RBPJ: variants seen among roughly 807,000 people sequenced by gnomAD.
RBPJ encodes recombining binding protein suppressor of hairless.
Under a neutral mutation model 67.8 loss-of-function variants are expected in RBPJ, and 9 were observed. The ratio of observed to expected loss-of-function variants is 0.13; its 90% CI spans 0.08 to 0.23. The LOEUF is 0.23. Ranked by LOEUF, RBPJ falls within the 10% of genes least tolerant of loss-of-function variation. The pLI, the probability that RBPJ is intolerant of heterozygous loss-of-function variation, is 1.00. For synonymous variants in RBPJ, 198 were observed against 203.3 expected (o/e 0.97, Z 0.22); for missense variants, 305 against 595.6 (o/e 0.51, Z 5.08).
the RBPJ span, among the ~76,000 whole-genome samples, chr4:26,137,926 T>G: frequency 6.6e-6 from 1 of 152,204 alleles, no homozygotes; most frequent in African/African-American, 2.4e-5. Flanking sequence ...ACCCTCCTCC[T>G]GACACAGTGA....
intron 1 of RBPJ, among the ~76,000 whole-genome samples, chr4:26,346,991 CA>C (rs1171684713): frequency 4.9e-5 from 7 of 142,202 alleles, no homozygotes; most frequent in East Asian, 2.0e-4. Flanking sequence ...GACTCCATCT[CA>C]AAAAAAAAAT....
intron 1 of RBPJ, among the ~76,000 whole-genome samples, chr4:26,186,226 T>A (rs1008688250): frequency 2.5e-4 from 37 of 146,976 alleles, no homozygotes; most frequent in Non-Finnish European, 4.5e-4. Context: ...GACCAATGTA[T>A]AAGAAGTCCT....
intron 1 of RBPJ, among the ~76,000 whole-genome samples, chr4:26,240,767 A>G (rs1422554558): frequency 6.6e-6 from 1 of 152,104 alleles, no homozygotes; most frequent in African/African-American, 2.4e-5. Flanking sequence ...AAGATGTGAA[A>G]AGGTTTTGGA....
intron 1 of RBPJ, among the ~76,000 whole-genome samples, chr4:26,232,605 G>C (rs1719327315): frequency 6.6e-6 from 1 of 152,234 alleles, no homozygotes; most frequent in African/African-American, 2.4e-5. Flanking sequence ...ATCTGTAACA[G>C]AATGTTCTTA....
intron 1 of RBPJ, among the ~76,000 whole-genome samples, chr4:26,299,355 ACAT>A (rs1721991669): frequency 6.6e-6 from 1 of 152,224 alleles, no homozygotes; most frequent in Non-Finnish European, 1.5e-5. Flanking sequence ...CAGTATTAAC[ACAT>A]CATGTAGATC....
chr4:26,126,238 G>A, the RBPJ span, among the ~76,000 whole-genome samples: 1 of 152,218 alleles, frequency 6.6e-6, no homozygotes, highest in African/African-American at 2.4e-5. Flanking sequence ...AAAATTGGTA[G>A]TCCCTGCCTC....
intron 1 of RBPJ, among the ~76,000 whole-genome samples, chr4:26,234,408 A>C (rs1173057371): frequency 6.6e-6 from 1 of 152,218 alleles, no homozygotes; most frequent in Non-Finnish European, 1.5e-5. Flanking sequence ...GATGGAGAAT[A>C]ATAAACATAT....
chr4:26,122,498 C>G, the RBPJ span, among the ~76,000 whole-genome samples: 1 of 152,068 alleles, frequency 6.6e-6, no homozygotes, highest in African/African-American at 2.4e-5. Flanking sequence ...CTCACCCATT[C>G]GAGGCAGAGA....
At chr4:26,262,739 T>C (rs771838158) in intron 1 of RBPJ, among the ~76,000 whole-genome samples, 5 of 152,200 alleles carry the variant, frequency 3.3e-5, no homozygotes, top group Non-Finnish European at 7.3e-5. Flanking sequence ...TTCCCCTCTA[T>C]TGAGCTTTTC....
chr4:26,345,423 C>T (rs1726026176), intron 1 of RBPJ, among the ~76,000 whole-genome samples: 1 of 152,214 alleles, frequency 6.6e-6, no homozygotes, highest in African/African-American at 2.4e-5. Context: ...AAACAGATGG[C>T]TTTCCTCGTA....
chr4:26,240,893 C>T (rs1719612863), intron 1 of RBPJ, among the ~76,000 whole-genome samples: 1 of 152,062 alleles, frequency 6.6e-6, no homozygotes, highest in African/African-American at 2.4e-5. Context: ...TTATTATGGG[C>T]CCTCATCTCC....
intron 1 of RBPJ, among the ~76,000 whole-genome samples, chr4:26,367,600 A>G (rs1267815901): frequency 1.3e-5 from 2 of 152,276 alleles, no homozygotes; most frequent in Admixed American, 6.5e-5. Flanking sequence ...CATAAATCCA[A>G]TACATTACAA....
At chr4:26,427,137 T>G (rs1735757517) in intron 7 of RBPJ, among the ~76,000 whole-genome samples, 1 of 152,080 alleles carries the variant, frequency 6.6e-6, no homozygotes, top group African/African-American at 2.4e-5. Context: ...ATCATAGTAT[T>G]AAGGTGGTGA....
At chr4:26,275,720 T>C (rs1445570688) in intron 1 of RBPJ, among the ~76,000 whole-genome samples, 1 of 152,090 alleles carries the variant, frequency 6.6e-6, no homozygotes, top group Non-Finnish European at 1.5e-5. Context: ...AACCTCCGCC[T>C]CTTGGGTTCA....
intron 1 of RBPJ, among the ~76,000 whole-genome samples, chr4:26,375,714 A>G (rs1476414707): frequency 1.3e-5 from 2 of 152,198 alleles, no homozygotes; most frequent in East Asian, 3.9e-4. Context: ...TGGATTTTCC[A>G]TGGAAGATGT....
At chr4:26,179,038 T>C (rs781760553) in intron 1 of RBPJ, among the ~76,000 whole-genome samples, 4 of 152,100 alleles carry the variant, frequency 2.6e-5, no homozygotes, top group Non-Finnish European at 4.4e-5. Context: ...CAGCTGCTAA[T>C]TGACGTCACA....
intron 1 of RBPJ, among the ~76,000 whole-genome samples, chr4:26,252,080 GTTTTTT>G (rs567577696): frequency 7.1e-6 from 1 of 140,192 alleles, no homozygotes; most frequent in Non-Finnish European, 1.6e-5. Context: ...GTTTTAACTA[GTTTTTT>G]TTTTTTAATT....
At chr4:26,423,707 A>G (rs1255697308) in intron 5 of RBPJ, among the ~76,000 whole-genome samples, 1 of 152,186 alleles carries the variant, frequency 6.6e-6, no homozygotes, top group African/African-American at 2.4e-5. Flanking sequence ...AACATATTTC[A>G]CTTTCAGAAT....
chr4:26,303,318 A>G (rs576552276), intron 1 of RBPJ, among the ~76,000 whole-genome samples: 7 of 147,240 alleles, frequency 4.8e-5, no homozygotes, highest in African/African-American at 1.7e-4. Flanking sequence ...TATATATAAT[A>G]ATCTCAGAGC....
Sources: allele counts gnomAD v4.1 joint callset (sites outside exome capture counted in the v4.1 genomes callset), GRCh38; gene constraint gnomAD v4.1.1; transcripts MANE v1.5; gene names NCBI Gene and HGNC (gene_info 2026-07-23, HGNC 2026-07-21).